Variants in PHF21A observed in about 807,000 individuals in gnomAD.
PHF21A encodes the protein BHC80a.
PHF21A carries 11 observed loss-of-function variants against 82.5 expected under a neutral mutation model. That is an observed-to-expected ratio of 0.13 (90% confidence interval 0.08 to 0.22). The LOEUF (loss-of-function observed/expected upper bound fraction) is 0.22. PHF21A is among the 10% of genes least tolerant of loss of function. PHF21A has a pLI of 1.00. For missense variants in PHF21A, 579 were observed against 837.8 expected (o/e 0.69, Z 3.81); for synonymous variants, 297 against 302.8 (o/e 0.98, Z 0.20).
intron 11 of PHF21A, among the ~76,000 whole-genome samples, chr11:45,951,317 C>G (rs2959096): frequency 0.88 from 133,909 of 152,288 alleles, 59,098 homozygotes; most frequent in East Asian, 1. Context: ...TCGATATTAT[C>G]CTACTTTGGC....
intron 6 of PHF21A, among the ~76,000 whole-genome samples, chr11:45,999,940 A>G (rs998332482): frequency 3.9e-5 from 6 of 152,250 alleles, no homozygotes; most frequent in Admixed American, 1.3e-4. Context: ...AGAAAGTCGC[A>G]ATATTCTGCA....
chr11:46,112,737 G>A (rs139643495), intron 1 of PHF21A, among the ~76,000 whole-genome samples: 17 of 151,870 alleles, frequency 1.1e-4, no homozygotes, highest in South Asian at 4.2e-4. Context: ...CCAACCTTAC[G>A]GAACAACTAT....
At chr11:46,053,593 T>C (rs2096404080) in intron 6 of PHF21A, among the ~76,000 whole-genome samples, 2 of 151,880 alleles carry the variant, frequency 1.3e-5, no homozygotes, top group African/African-American at 4.8e-5. Context: ...CAGCATGGGG[T>C]TCTAACCTTA....
intron 1 of PHF21A, among the ~76,000 whole-genome samples, chr11:46,107,009 G>A (rs2097159519): frequency 6.6e-6 from 1 of 152,182 alleles, no homozygotes; most frequent in Non-Finnish European, 1.5e-5. Flanking sequence ...CTGTCCTCCA[G>A]CTGTCCCCAC....
At chr11:45,976,957 A>G (rs1187765221) in intron 7 of PHF21A, among the ~76,000 whole-genome samples, 1 of 152,212 alleles carries the variant, frequency 6.6e-6, no homozygotes, top group Admixed American at 6.5e-5. Flanking sequence ...ATTAAATAAA[A>G]CAATATTTAA....
chr11:45,935,663 CT>C lies in PHF21A; in HGVS notation c.1760del (p.Lys587ArgfsTer2). The C allele has an allele frequency of 7.1e-6, 11 of 1,543,566 alleles. No individual in the cohort carries two copies. The highest frequency in any genetic ancestry group is 8.1e-6 in the Non-Finnish European group (9 of 1,117,584). ...TTATGGAATTGCTGAGCTGTTTCAC[CT>C]TTTGCTCTAGTTGTTCTCGTTCTTG... ...LKQEREQLEQ[K>X]VKQLSNSISK... On this transcript the variant is annotated frameshift_variant, in exon 18 of 19. Coordinates refer to ENST00000676320, the MANE Select transcript of PHF21A (RefSeq NM_001352027.3). LOFTEE classifies it high-confidence loss of function.
At chr11:46,042,279 C>A (rs892505189) in intron 6 of PHF21A, among the ~76,000 whole-genome samples, 1 of 152,072 alleles carries the variant, frequency 6.6e-6, no homozygotes, top group Non-Finnish European at 1.5e-5. Flanking sequence ...ATACTTGAAC[C>A]AAACTTTAAG....
At chr11:45,979,390 T>C (rs960560136) in intron 7 of PHF21A, among the ~76,000 whole-genome samples, 1 of 152,168 alleles carries the variant, frequency 6.6e-6, no homozygotes, top group African/African-American at 2.4e-5. Flanking sequence ...CTATGCCTAG[T>C]TGCTAAGAAT....
Position 46,084,941 on chromosome 11 carries a change from A to G in PHF21A, c.-83-639T>C, listed in dbSNP as rs150386291. ...GTGATCCACCCATCTCAGCCTCCCA[A>G]AGTGCTGGGATTACAGGCGTGAGCC... On this transcript the variant is annotated intron_variant, in intron 3 of 18. Transcript: ENST00000676320. Among the ~76,000 whole-genome samples, 1,046 of 151,872 alleles carry G rather than the reference A, an allele frequency of 6.9e-3. 8 individuals are homozygous for G. Among genetic ancestry groups the G allele is most frequent in the African/African-American group, 0.024 (999 of 41,410 alleles).
chr11:45,972,080 C>T (rs967911554), intron 7 of PHF21A, among the ~76,000 whole-genome samples: 6 of 151,232 alleles, frequency 4.0e-5, no homozygotes, highest in African/African-American at 1.5e-4. Flanking sequence ...TGAGTTACTA[C>T]CTATAATCTT....
intron 6 of PHF21A, among the ~76,000 whole-genome samples, chr11:46,045,620 C>A (rs545499674): frequency 1.3e-5 from 2 of 151,950 alleles, no homozygotes; most frequent in East Asian, 1.9e-4. Flanking sequence ...ACAATGTATT[C>A]AAAAAAAGAA....
intron 1 of PHF21A, among the ~76,000 whole-genome samples, chr11:46,095,057 C>T (rs892768766): frequency 6.6e-6 from 1 of 152,116 alleles, no homozygotes; most frequent in African/African-American, 2.4e-5. Context: ...ATTGGTTTCA[C>T]AATGAGGTTC....
intron 1 of PHF21A, among the ~76,000 whole-genome samples, chr11:46,108,357 C>T (rs923823235): frequency 6.6e-6 from 1 of 151,664 alleles, no homozygotes; most frequent in African/African-American, 2.4e-5. Flanking sequence ...ATGACCATTT[C>T]CTAAAGCATG....
At chr11:45,934,792 G>A (rs1159782706) in intron 18 of PHF21A, 1 of 348,312 alleles carries the variant, frequency 2.9e-6, no homozygotes, top group Admixed American at 3.8e-5. Flanking sequence ...GCTCAGCCGG[G>A]GACTTAGAGT....
At chr11:46,049,941 T>G (rs897597644) in intron 6 of PHF21A, among the ~76,000 whole-genome samples, 1 of 152,256 alleles carries the variant, frequency 6.6e-6, no homozygotes, top group Non-Finnish European at 1.5e-5. Context: ...TTTGTATATT[T>G]GTCAGACCTG....
chr11:46,044,304 A>G (rs1279197264), intron 6 of PHF21A, among the ~76,000 whole-genome samples: 3 of 151,358 alleles, frequency 2.0e-5, no homozygotes, highest in Non-Finnish European at 4.4e-5. Flanking sequence ...AATGAGCAGG[A>G]AAAAAAAAGA....
intron 6 of PHF21A, among the ~76,000 whole-genome samples, chr11:46,045,800 C>A (rs2096247925): frequency 6.6e-6 from 1 of 152,106 alleles, no homozygotes; most frequent in South Asian, 2.1e-4. Context: ...TGCTCCAAGA[C>A]CCCTTTATGA....
intron 1 of PHF21A, among the ~76,000 whole-genome samples, chr11:46,101,271 T>C (rs903423290): frequency 2.0e-5 from 3 of 152,154 alleles, no homozygotes; most frequent in Non-Finnish European, 4.4e-5. Context: ...AAAAGACAAA[T>C]GAAAATATTA....
Position 45,965,515 on chromosome 11 carries a change from T to C in PHF21A, c.796A>G (p.Met266Val). 1.2e-6 allele frequency: 2 copies of C among 1,611,596 alleles called. No homozygotes were observed. The highest frequency in any genetic ancestry group is 1.7e-6 in the Non-Finnish European group (2 of 1,178,578). The change falls in exon 10 of 19, where the codon ATG (methionine) becomes GTG (valine). Residue 266 changes from methionine to valine, a missense_variant. Physicochemically the swap from Met to Val is conservative, Grantham distance 21. This residue lies in a region of PHF21A where 410 missense variants were observed against 642.1 expected (regional missense o/e 0.64). Transcript: ENST00000676320. ...AAPQLIQRPVMLTKFTPTTLP... is the reference protein window; with the variant it reads ...AAPQLIQRPVVLTKFTPTTLP... ...GTTGTGGGGGTGAACTTGGTCAGCATGACGGGCCTCTGGATAAGCTGAGGA... is the reference window on the plus strand; with the variant it reads ...GTTGTGGGGGTGAACTTGGTCAGCACGACGGGCCTCTGGATAAGCTGAGGA...
Sources: allele counts gnomAD v4.1 joint callset (sites outside exome capture counted in the v4.1 genomes callset), GRCh38; gene constraint gnomAD v4.1.1; regional missense constraint gnomAD v4.1.1; transcripts MANE v1.5; gene names NCBI Gene and HGNC (gene_info 2026-07-23, HGNC 2026-07-21).